LARGE1: variants seen among roughly 807,000 people sequenced by gnomAD.
LARGE1 encodes xylosyl- and glucuronyltransferase LARGE1.
Under a neutral mutation model 87.6 loss-of-function variants are expected in LARGE1, and 43 were observed. The ratio of observed to expected loss-of-function variants is 0.49; its 90% CI spans 0.38 to 0.63. The LOEUF is 0.63. Ranked by LOEUF, LARGE1 falls within the 30% of genes least tolerant of loss-of-function variation. The probability of loss-of-function intolerance (pLI) is 0.00; values close to 1 mark genes in which losing one functional copy is unlikely to be tolerated. For synonymous variants in LARGE1, 434 were observed against 394.6 expected (o/e 1.10, Z -1.18); for missense variants, 802 against 1,000.2 (o/e 0.80, Z 2.67).
chr22:33,494,376 G>A (rs1386354492), intron 6 of LARGE1, among the ~76,000 whole-genome samples: 2 of 152,182 alleles, frequency 1.3e-5, no homozygotes, highest in Admixed American at 6.5e-5. Flanking sequence ...GACAGCTTAC[G>A]TAAATGAATA....
At chr22:33,412,318 A>G (rs915594682) in intron 7 of LARGE1, among the ~76,000 whole-genome samples, 6 of 151,576 alleles carry the variant, frequency 4.0e-5, no homozygotes, top group African/African-American at 1.2e-4. Context: ...TATTATTATT[A>G]TATTTCAGCA....
At chr22:33,221,557 G>A (rs375566082) in intron 11 of LARGE1, 9 of 152,260 alleles carry the variant, frequency 5.9e-5, no homozygotes, top group Admixed American at 1.3e-4. Flanking sequence ...GAGGAAAAAC[G>A]ACTAGAAAAA....
rs9621660 is a variant in LARGE1, at chr22:33,195,011, A to T, written c.1731-28179T>A. Among the ~76,000 whole-genome samples, 1,296 of 152,344 alleles carry T rather than the reference A, an allele frequency of 8.5e-3. 22 individuals are homozygous for T. The highest frequency in any genetic ancestry group is 0.03 in the African/African-American group (1,251 of 41,586). ...CAAGGTTTTTCAGCTTGCTAAGGGG[A>T]TAATACATTAAAGGAATAAATTAAC... On this transcript the variant is annotated intron_variant, in intron 11 of 11. Coordinates refer to the LARGE1 transcript ENST00000608642.
intron 6 of LARGE1, among the ~76,000 whole-genome samples, chr22:33,438,287 T>G (rs890231583): frequency 2.6e-5 from 4 of 152,146 alleles, no homozygotes; most frequent in Admixed American, 6.5e-5. Flanking sequence ...GGTGCTGGCT[T>G]GCTCAGCATT....
At chr22:33,702,674 G>A (rs2082435191) in intron 2 of LARGE1, among the ~76,000 whole-genome samples, 1 of 152,166 alleles carries the variant, frequency 6.6e-6, no homozygotes, top group Admixed American at 6.5e-5. Flanking sequence ...TGCCTCTATG[G>A]TGTGAGATAA....
At chr22:33,140,062 G>C in the LARGE1 span, among the ~76,000 whole-genome samples, 1,349 of 152,344 alleles carry the variant, frequency 8.9e-3, 20 homozygotes, top group African/African-American at 0.031. Flanking sequence ...GGAGAGGTTA[G>C]AGCCCCATTA....
chr22:33,663,657 AAG>A (rs886448874), intron 2 of LARGE1, among the ~76,000 whole-genome samples: 7 of 152,168 alleles, frequency 4.6e-5, no homozygotes, highest in African/African-American at 1.7e-4. Flanking sequence ...CTGATTGGCC[AAG>A]AGGATATCCT....
chr22:33,826,344 CT>C (rs35127990), intron 1 of LARGE1, among the ~76,000 whole-genome samples: 314 of 137,754 alleles, frequency 2.3e-3, no homozygotes, highest in Non-Finnish European at 2.0e-3. Context: ...CTTTGCATAC[CT>C]TTTTTTTTTT....
intron 12 of LARGE1, among the ~76,000 whole-genome samples, chr22:33,298,268 G>A (rs527422403): frequency 6.6e-6 from 1 of 152,294 alleles, no homozygotes; most frequent in Admixed American, 6.5e-5. Context: ...CCACCAGGCT[G>A]TAAACCTGAG....
chr22:33,721,783 T>C (rs894809822), intron 2 of LARGE1, among the ~76,000 whole-genome samples: 5 of 152,214 alleles, frequency 3.3e-5, no homozygotes, highest in Non-Finnish European at 7.3e-5. Context: ...GGACTGTGCA[T>C]CCTGATTGGT....
At chr22:33,375,379 C>T (rs2064958096) in intron 9 of LARGE1, among the ~76,000 whole-genome samples, 1 of 152,136 alleles carries the variant, frequency 6.6e-6, no homozygotes, top group Non-Finnish European at 1.5e-5. Flanking sequence ...AACATTTGCT[C>T]TCTCTGCCTG....
At chr22:33,269,609 T>C (rs1191934902), downstream of LARGE1, among the ~76,000 whole-genome samples, 3 of 152,330 alleles carry the variant, frequency 2.0e-5, no homozygotes, top group East Asian at 1.9e-4. Flanking sequence ...TTTCATGACA[T>C]TGTCCTGGCC....
chr22:33,461,920 C>A (rs1208703338), intron 6 of LARGE1, among the ~76,000 whole-genome samples: 1 of 152,108 alleles, frequency 6.6e-6, no homozygotes, highest in Non-Finnish European at 1.5e-5. Flanking sequence ...GTCAATTATC[C>A]CTCCATGTTG....
chr22:33,551,473 A>C (rs562793660), intron 6 of LARGE1, among the ~76,000 whole-genome samples: 1 of 152,286 alleles, frequency 6.6e-6, no homozygotes, highest in African/African-American at 2.4e-5. Flanking sequence ...TATTAGTTCA[A>C]TTTGGCCTGT....
intron 5 of LARGE1, among the ~76,000 whole-genome samples, chr22:33,566,068 A>C (rs2078016560): frequency 9.3e-6 from 1 of 107,752 alleles, no homozygotes; most frequent in African/African-American, 3.3e-5. Context: ...GATTCCAAAA[A>C]ATATTGATCT....
chr22:33,402,254 C>T (rs544873178), intron 7 of LARGE1, among the ~76,000 whole-genome samples: 6 of 152,242 alleles, frequency 3.9e-5, no homozygotes, highest in African/African-American at 1.4e-4. Flanking sequence ...TATCCCAGAA[C>T]CAGAGGCCCA....
chr22:33,104,187 T>C, the LARGE1 span, among the ~76,000 whole-genome samples: 1 of 152,164 alleles, frequency 6.6e-6, no homozygotes, highest in Admixed American at 6.5e-5. Context: ...CCAGCAATGC[T>C]GTTGCTGGAC....
the LARGE1 span, among the ~76,000 whole-genome samples, chr22:33,100,071 T>C: frequency 1.3e-5 from 2 of 152,086 alleles, no homozygotes; most frequent in African/African-American, 4.8e-5. Context: ...CGTGGTGGCT[T>C]ATGCCTGTAA....
At chr22:33,744,691 A>G (rs917210691) in intron 2 of LARGE1, among the ~76,000 whole-genome samples, 3 of 152,148 alleles carry the variant, frequency 2.0e-5, no homozygotes, top group African/African-American at 7.2e-5. Flanking sequence ...CCTGGAAAAC[A>G]CCTCATTGTC....
Sources: allele counts gnomAD v4.1 joint callset (sites outside exome capture counted in the v4.1 genomes callset), GRCh38; gene constraint gnomAD v4.1.1; transcripts MANE v1.5; gene names NCBI Gene and HGNC (gene_info 2026-07-23, HGNC 2026-07-21).